COL28A1: variants seen among roughly 807,000 people sequenced by gnomAD.
The protein encoded by COL28A1 is collagen type XXVIII alpha 1 chain, also known as collagen alpha-1(XXVIII) chain.
COL28A1 carries 161 observed loss-of-function variants against 150.2 expected under a neutral mutation model. That is an observed-to-expected ratio of 1.07 (90% CI 0.94 to 1.22). The LOEUF is 1.22. COL28A1 is among the 50% of genes most tolerant of loss of function. COL28A1 has a pLI of 0.00. For missense variants in COL28A1, 1,617 were observed against 1,388.3 expected (o/e 1.16, Z -2.62); for synonymous variants, 552 against 469.7 (o/e 1.18, Z -2.26).
intron 21 of COL28A1, among the ~76,000 whole-genome samples, chr7:7,439,965 T>C (rs1785640405): frequency 6.6e-6 from 1 of 152,220 alleles, no homozygotes; most frequent in Non-Finnish European, 1.5e-5. Flanking sequence ...ATGTGCTTTT[T>C]AATCATCTGG....
chr7:7,476,337 A>G (rs1377931104), intron 14 of COL28A1, among the ~76,000 whole-genome samples: 1 of 152,228 alleles, frequency 6.6e-6, no homozygotes. Context: ...CAAATGTGCC[A>G]AAGATTATAT....
chr7:7,386,211 T>C (rs529155164), intron 27 of COL28A1, among the ~76,000 whole-genome samples: 1 of 152,336 alleles, frequency 6.6e-6, no homozygotes, highest in East Asian at 1.9e-4. Context: ...ATGTTTCCAT[T>C]GATTTATTTG....
At chr7:7,441,524 G>GAA (rs55984344) in intron 20 of COL28A1, among the ~76,000 whole-genome samples, 1,580 of 139,090 alleles carry the variant, frequency 0.011, 13 homozygotes, top group South Asian at 0.054. Flanking sequence ...CTCAACAAAC[G>GAA]AAAAAAAAAA....
chr7:7,413,258 C>A (rs60605784), intron 27 of COL28A1, among the ~76,000 whole-genome samples: 2,312 of 152,128 alleles, frequency 0.015, 70 homozygotes, highest in African/African-American at 0.053. Flanking sequence ...GCTATAGCCC[C>A]ATAAGAGGAA....
chr7:7,475,543 G>A (rs180793597), intron 14 of COL28A1, among the ~76,000 whole-genome samples: 4 of 152,276 alleles, frequency 2.6e-5, no homozygotes, highest in African/African-American at 7.2e-5. Flanking sequence ...ACATACAAGA[G>A]TATCAATAAA....
chr7:7,363,869 C>T (rs969300813), intron 33 of COL28A1, among the ~76,000 whole-genome samples: 1 of 152,082 alleles, frequency 6.6e-6, no homozygotes, highest in African/African-American at 2.4e-5. Context: ...CAACCTCCAC[C>T]TCCCAGATTC....
intron 33 of COL28A1, among the ~76,000 whole-genome samples, chr7:7,361,340 T>A (rs191907720): frequency 1.3e-5 from 2 of 152,364 alleles, no homozygotes; most frequent in East Asian, 3.9e-4. Context: ...TGATTTATAA[T>A]CCTTGGGTAT....
At chr7:7,415,484 C>A (rs532801059) in intron 27 of COL28A1, among the ~76,000 whole-genome samples, 1 of 152,326 alleles carries the variant, frequency 6.6e-6, no homozygotes, top group South Asian at 2.1e-4. Context: ...CTCTGCCCTG[C>A]TACCAACTGG....
chr7:7,440,866 C>CA lies in COL28A1; in HGVS notation c.1651-6dup. 1.4e-6 allele frequency: 2 copies of CA among 1,428,734 alleles called. No individual in the cohort carries two copies. Among genetic ancestry groups the CA allele is most frequent in the Non-Finnish European group, 2.0e-6 (2 of 1,011,780 alleles). 88.5% of individuals were successfully genotyped at this position (1,428,734 alleles called of 1,614,324 possible). A position where few individuals can be genotyped will look rare whatever the true frequency, so the allele number is the denominator to read the frequency against. On this transcript the variant is annotated splice_polypyrimidine_tract_variant and splice_region_variant and intron_variant, in intron 20 of 34. Coordinates refer to ENST00000399429, the MANE Select transcript of COL28A1 (RefSeq NM_001037763.3). ...CCCTTTCTTGCCTTCGTCACCCTAACAAAATAATTATGAAAATATAGATTT... is the reference window on the plus strand; with the variant it reads ...CCCTTTCTTGCCTTCGTCACCCTAACAAAAATAATTATGAAAATATAGATTT...
intron 33 of COL28A1, 50 bp from the exon 34 acceptor site, chr7:7,360,578 A>C: frequency 6.5e-7 from 1 of 1,548,904 alleles, no homozygotes; most frequent in Non-Finnish European, 8.7e-7. Context: ...CAAGTAAAAA[A>C]AATACTAGTT....
chr7:7,396,367 T>G (rs1316758119), intron 27 of COL28A1, among the ~76,000 whole-genome samples: 2 of 152,168 alleles, frequency 1.3e-5, no homozygotes. Flanking sequence ...ACTAATACTT[T>G]CACTCAAATA....
chr7:7,348,056 T>C, the COL28A1 span, among the ~76,000 whole-genome samples: 1 of 152,064 alleles, frequency 6.6e-6, no homozygotes, highest in Admixed American at 6.6e-5. Context: ...AGTCAACATA[T>C]AGAGGAGGAA....
chr7:7,511,312 T>G (rs1007410650), intron 8 of COL28A1, among the ~76,000 whole-genome samples, 177 bp from the exon 9 acceptor site: 1 of 152,254 alleles, frequency 6.6e-6, no homozygotes, highest in East Asian at 1.9e-4. Flanking sequence ...AATCTGAATA[T>G]TTTTACCCAA....
chr7:7,425,056 A>T (rs534351939), intron 25 of COL28A1, among the ~76,000 whole-genome samples: 17 of 152,184 alleles, frequency 1.1e-4, no homozygotes, highest in Non-Finnish European at 2.1e-4. Flanking sequence ...ACTTTGGTTA[A>T]TATTAAAACT....
chr7:7,425,886 C>A (rs1381999161), intron 25 of COL28A1, among the ~76,000 whole-genome samples: 1 of 152,096 alleles, frequency 6.6e-6, no homozygotes, highest in Non-Finnish European at 1.5e-5. Flanking sequence ...ACCCATTATA[C>A]CTTATGAGTT....
intron 12 of COL28A1, among the ~76,000 whole-genome samples, chr7:7,490,182 A>T (rs1251006070): frequency 1.3e-5 from 2 of 152,110 alleles, no homozygotes; most frequent in Non-Finnish European, 2.9e-5. Context: ...TGACCTATTC[A>T]TTGCCATGGC....
the COL28A1 span, among the ~76,000 whole-genome samples, chr7:7,339,085 C>G: frequency 6.6e-6 from 1 of 152,130 alleles, no homozygotes; most frequent in Non-Finnish European, 1.5e-5. Flanking sequence ...CAGGCTCAGA[C>G]TGACAGAAAC....
chr7:7,374,034 A>ATAT (rs1230327194), intron 31 of COL28A1, among the ~76,000 whole-genome samples: 173 of 76,554 alleles, frequency 2.3e-3, no homozygotes, highest in Admixed American at 4.2e-3. Flanking sequence ...TAAAAAAAAA[A>ATAT]AAAAATATAT....
At chr7:7,435,377 A>C (rs1469421149) in intron 23 of COL28A1, among the ~76,000 whole-genome samples, 3 of 152,190 alleles carry the variant, frequency 2.0e-5, no homozygotes, top group Non-Finnish European at 4.4e-5. Flanking sequence ...TTCTAAAGAG[A>C]GTGGTCTACA....
Sources: gnomAD v4.1 joint callset for allele counts (sites outside exome capture counted in the v4.1 genomes callset) on GRCh38, gnomAD v4.1.1 for gene constraint, MANE v1.5 for transcripts, NCBI Gene and HGNC (gene_info 2026-07-23, HGNC 2026-07-21) for gene names.